PCDH11X: variants seen among roughly 807,000 people sequenced by gnomAD.
The protein encoded by PCDH11X is protocadherin-11 X-linked.
A neutral mutation model predicts 53.3 loss-of-function variants in PCDH11X; 18 were observed. That is an observed-to-expected ratio of 0.34 (90% CI 0.23 to 0.50). PCDH11X has a LOEUF of 0.50. Among genes scored for constraint, PCDH11X ranks in the 20% least tolerant of loss-of-function variants. The probability of loss-of-function intolerance (pLI) is 0.98; values close to 1 mark genes in which losing one functional copy is unlikely to be tolerated. For synonymous variants in PCDH11X, 279 were observed against 393.3 expected (o/e 0.71, Z 3.44); for missense variants, 570 against 1,032.4 (o/e 0.55, Z 6.14).
At chrX:91,912,508 A>C (rs1033951278) in intron 6 of PCDH11X, among the ~76,000 whole-genome samples, 4 of 109,934 alleles carry the variant, frequency 3.6e-5, no homozygotes, top group African/African-American at 1.3e-4. Flanking sequence ...ATGTTTATTC[A>C]GCATCAACCA....
intron 10 of PCDH11X, among the ~76,000 whole-genome samples, chrX:92,485,901 A>G (rs2073631293): frequency 1.8e-5 from 2 of 111,115 alleles, no homozygotes; most frequent in Non-Finnish European, 3.8e-5. Flanking sequence ...TTTATGTAGT[A>G]GAACACAGGG....
intron 7 of PCDH11X, among the ~76,000 whole-genome samples, chrX:92,247,968 A>G (rs1466155093): frequency 2.9e-5 from 3 of 104,221 alleles, no homozygotes; most frequent in African/African-American, 1.1e-4. Flanking sequence ...AAACATAAAA[A>G]TAATGAATTC....
chrX:92,263,491 A>T lies in PCDH11X; in HGVS notation c.3144+348A>T, dbSNP rs547706440. On this transcript the variant is annotated intron_variant, in intron 8 of 10. Coordinates refer to ENST00000682573, the MANE Select transcript of PCDH11X (RefSeq NM_032968.5). ...AGGAACAATTTTAGTGTCAATTCAC[A>T]TTTTAGCAGTGACAGCAGAAAGTTA... Among the ~76,000 whole-genome samples the T allele has an allele frequency of 4.1e-4, 46 of 112,166 alleles. No homozygotes were observed. The South Asian group carries it at 5.9e-3, about 14-fold the overall frequency.
Position 92,584,476 on chromosome X carries a change from GAAC to G in PCDH11X, c.3368-33784_3368-33782del, listed in dbSNP as rs767370886. Among the ~76,000 whole-genome samples the G allele has an allele frequency of 4.5e-5, 5 of 111,280 alleles. No individual in the cohort carries two copies. In the East Asian group the frequency reaches 8.5e-4, roughly 19 times the overall value. On this transcript the variant is annotated intron_variant, in intron 10 of 10. Transcript: ENST00000682573. ...GAAAAGATCATCAGAAAATAATTAT[GAAC>G]AACTTTTTCCCAAAGAAATTAAACA...
intron 8 of PCDH11X, among the ~76,000 whole-genome samples, chrX:92,337,169 G>A (rs1266140587): frequency 9.3e-6 from 1 of 107,685 alleles, no homozygotes; most frequent in Non-Finnish European, 1.9e-5. Context: ...CCAGTGGAAT[G>A]CAATTTTCAG....
intron 10 of PCDH11X, among the ~76,000 whole-genome samples, chrX:92,607,768 G>A (rs913426317): frequency 9.0e-6 from 1 of 111,700 alleles, no homozygotes; most frequent in African/African-American, 3.2e-5. Flanking sequence ...CAGGCTGCCG[G>A]ATAAATTGCT....
At chrX:92,354,912 C>G (rs749101806) in intron 8 of PCDH11X, among the ~76,000 whole-genome samples, 2 of 110,479 alleles carry the variant, frequency 1.8e-5, no homozygotes, top group Admixed American at 9.7e-5. Flanking sequence ...TCGTGTGGCT[C>G]ATAGCATAGC....
chrX:91,816,415 G>T, intron 4 of PCDH11X, among the ~76,000 whole-genome samples: 1 of 110,901 alleles, frequency 9.0e-6, no homozygotes, highest in Non-Finnish European at 1.9e-5. Context: ...AACATTGAAG[G>T]ATTCTATTTC....
At chrX:92,256,142 G>A (rs1003411141) in intron 7 of PCDH11X, among the ~76,000 whole-genome samples, 1 of 112,299 alleles carries the variant, frequency 8.9e-6, no homozygotes, top group Non-Finnish European at 1.9e-5. Flanking sequence ...GTGGTGCACC[G>A]TTTTTTAAGC....
intron 9 of PCDH11X, chrX:92,460,127 A>T: frequency 9.3e-7 from 1 of 1,069,664 alleles, no homozygotes; most frequent in South Asian, 1.8e-5. Context: ...CTGCATATTG[A>T]CAATGCCCGT....
chrX:92,114,513 C>T (rs2064595984), intron 6 of PCDH11X: 3 of 456,420 alleles, frequency 6.6e-6, no homozygotes, highest in Non-Finnish European at 1.1e-5. Context: ...GGCTTTGATT[C>T]TGTTGAATTT....
At chrX:92,561,212 A>G (rs2075126293) in intron 10 of PCDH11X, among the ~76,000 whole-genome samples, 1 of 107,158 alleles carries the variant, frequency 9.3e-6, no homozygotes, top group Admixed American at 1.0e-4. Flanking sequence ...GAAAACTACA[A>G]TAAATACCTG....
chrX:92,205,124 A>G (rs2066453194), intron 7 of PCDH11X, among the ~76,000 whole-genome samples: 1 of 111,610 alleles, frequency 9.0e-6, no homozygotes, highest in Non-Finnish European at 1.9e-5. Flanking sequence ...AAGTTCCTCC[A>G]ACAGTTCAGC....
At chrX:92,115,098 T>G (rs2064610513) in intron 6 of PCDH11X, among the ~76,000 whole-genome samples, 1 of 110,556 alleles carries the variant, frequency 9.0e-6, no homozygotes, top group African/African-American at 3.3e-5. Context: ...CATGAGACAC[T>G]GTGCCCAGTC....
intron 10 of PCDH11X, among the ~76,000 whole-genome samples, chrX:92,558,422 A>G (rs1178911524): frequency 1.8e-5 from 2 of 111,736 alleles, no homozygotes; most frequent in Non-Finnish European, 3.8e-5. Context: ...AATATATCAA[A>G]TAATGTTTAA....
intron 6 of PCDH11X, among the ~76,000 whole-genome samples, chrX:91,932,706 G>GCA (rs2061403741): frequency 9.0e-6 from 1 of 110,509 alleles, no homozygotes; most frequent in East Asian, 2.9e-4. Flanking sequence ...GTGTGCGCGC[G>GCA]CGCGCGCCTG....
intron 9 of PCDH11X, among the ~76,000 whole-genome samples, chrX:92,418,892 T>C (rs1343024670): frequency 9.4e-6 from 1 of 106,404 alleles, no homozygotes; most frequent in Non-Finnish European, 1.9e-5. Flanking sequence ...TAATGTAATG[T>C]TCCCTCTAAC....
chrX:92,324,266 C>T (rs765326989), intron 8 of PCDH11X, among the ~76,000 whole-genome samples: 7 of 111,335 alleles, frequency 6.3e-5, no homozygotes, highest in African/African-American at 2.3e-4. Context: ...TCAGGTCATG[C>T]TTGAGGCCAC....
At chrX:92,239,611 G>T (rs188013634) in intron 7 of PCDH11X, among the ~76,000 whole-genome samples, 1 of 111,402 alleles carries the variant, frequency 9.0e-6, no homozygotes, top group African/African-American at 3.3e-5. Context: ...TTACTCTCTC[G>T]CCAGACAACT....
Sources: gnomAD v4.1 joint callset for allele counts (sites outside exome capture counted in the v4.1 genomes callset) on GRCh38, gnomAD v4.1.1 for gene constraint, MANE v1.5 for transcripts, NCBI Gene and HGNC (gene_info 2026-07-23, HGNC 2026-07-21) for gene names.